TMEM209: variants seen among roughly 807,000 people sequenced by gnomAD.
The protein encoded by TMEM209 is transmembrane protein 209.
TMEM209 carries 65 observed loss-of-function variants against 76.2 expected under a neutral mutation model. That is an observed-to-expected ratio of 0.85 (90% CI 0.70 to 1.05). TMEM209 has a LOEUF of 1.05. TMEM209 is among the 50% of genes least tolerant of loss of function. The pLI, the probability that TMEM209 is intolerant of heterozygous loss-of-function variation, is 0.00. For missense variants in TMEM209, 623 were observed against 685.5 expected (o/e 0.91, Z 1.02); for synonymous variants, 239 against 237.6 (o/e 1.01, Z -0.06).
intron 11 of TMEM209, 101 bp from the exon 12 acceptor site, chr7:130,174,040 AAAT>A: frequency 1.3e-6 from 1 of 781,800 alleles, no homozygotes; most frequent in Middle Eastern, 2.5e-4. Flanking sequence ...TCCAATTAAA[AAAT>A]TTTTTCTCTG....
At chr7:130,174,865 G>C (rs1797183821) in intron 11 of TMEM209, among the ~76,000 whole-genome samples, 1 of 151,906 alleles carries the variant, frequency 6.6e-6, no homozygotes, top group Admixed American at 6.6e-5. Flanking sequence ...ATGACAGTGT[G>C]TAATAATGAA....
intron 5 of TMEM209, among the ~76,000 whole-genome samples, chr7:130,194,335 C>G (rs1244589296): frequency 1.4e-5 from 2 of 147,438 alleles, no homozygotes; most frequent in African/African-American, 5.1e-5. Context: ...AAATAAAGTC[C>G]ATCAAAAAAA....
intron 14 of TMEM209, among the ~76,000 whole-genome samples, chr7:130,169,228 A>G (rs950746433): frequency 6.6e-6 from 1 of 151,200 alleles, no homozygotes; most frequent in African/African-American, 2.4e-5. Flanking sequence ...ATAAATGTTC[A>G]TATTTGTTTA....
At chr7:130,195,144 T>C (rs1334083926) in intron 5 of TMEM209, among the ~76,000 whole-genome samples, 2 of 152,152 alleles carry the variant, frequency 1.3e-5, no homozygotes, top group South Asian at 2.1e-4. Flanking sequence ...TTAAAATCAA[T>C]GAGTAACTTG....
chr7:130,187,965 C>T (rs1460492886), intron 6 of TMEM209, among the ~76,000 whole-genome samples: 1 of 152,032 alleles, frequency 6.6e-6, no homozygotes, highest in African/African-American at 2.4e-5. Context: ...AGTATTTAAC[C>T]TCCAAGAACT....
In TMEM209 at chr7:130,203,956, T is replaced by C; in HGVS notation, c.140+18A>G. On this transcript the variant is annotated intron_variant, in intron 2 of 14. Coordinates refer to ENST00000397622, the MANE Select transcript of TMEM209 (RefSeq NM_032842.4). Reference sequence around the variant, plus strand: ...CTGGCTTCTTAAAGTTTCACTTTTTTTGGACTGATTCACTTACATTTCAGT... The same window carrying C: ...CTGGCTTCTTAAAGTTTCACTTTTTCTGGACTGATTCACTTACATTTCAGT... 1 of 1,609,162 alleles carries C rather than the reference T, an allele frequency of 6.2e-7. No individual in the cohort carries two copies. The highest frequency in any genetic ancestry group is 8.5e-7 in the Non-Finnish European group (1 of 1,178,536).
intron 9 of TMEM209, 142 bp from the exon 10 acceptor site, chr7:130,178,669 C>T (rs547183497): frequency 2.4e-5 from 21 of 866,608 alleles, no homozygotes; most frequent in Middle Eastern, 3.7e-4. Flanking sequence ...TCTCCCCTGA[C>T]GACCCTACCT....
At chr7:130,201,600 T>A (rs1307541601) in intron 5 of TMEM209, among the ~76,000 whole-genome samples, 1 of 152,224 alleles carries the variant, frequency 6.6e-6, no homozygotes. Context: ...TTGTTTCAAC[T>A]TGTTTTAAAG....
intron 9 of TMEM209, among the ~76,000 whole-genome samples, chr7:130,179,019 T>C (rs1202466517): frequency 6.6e-6 from 1 of 151,922 alleles, no homozygotes; most frequent in African/African-American, 2.4e-5. Flanking sequence ...AACTCCTGGG[T>C]TCAAGCAATC....
chr7:130,196,492 AGG>A (rs1178275427), intron 5 of TMEM209, among the ~76,000 whole-genome samples: 1 of 152,222 alleles, frequency 6.6e-6, no homozygotes, highest in Non-Finnish European at 1.5e-5. Context: ...TACAGTCTAG[AGG>A]GAAAAAAGTG....
At chr7:130,167,932 C>T (rs898289620) in intron 14 of TMEM209, among the ~76,000 whole-genome samples, 3 of 152,012 alleles carry the variant, frequency 2.0e-5, no homozygotes, top group African/African-American at 4.8e-5. Context: ...AGCTTTTCCC[C>T]GAGTTTAAAA....
At chr7:130,171,328 A>G (rs1468235709) in intron 13 of TMEM209, among the ~76,000 whole-genome samples, 2 of 152,232 alleles carry the variant, frequency 1.3e-5, no homozygotes, top group Admixed American at 1.3e-4. Context: ...CTCTAAAATC[A>G]AACTATTATA....
intron 9 of TMEM209, among the ~76,000 whole-genome samples, chr7:130,179,874 G>A (rs1283266333): frequency 1.3e-5 from 2 of 152,194 alleles, no homozygotes; most frequent in African/African-American, 4.8e-5. Flanking sequence ...GCTGAGGTGA[G>A]AGGATCTCTT....
At chr7:130,190,143 C>T (rs887899214) in intron 6 of TMEM209, among the ~76,000 whole-genome samples, 3 of 152,140 alleles carry the variant, frequency 2.0e-5, no homozygotes, top group Admixed American at 6.5e-5. Flanking sequence ...CTTTATCTTA[C>T]AGAATACCAA....
At chr7:130,184,499 T>C (rs1214064165) in intron 7 of TMEM209, among the ~76,000 whole-genome samples, 1 of 151,106 alleles carries the variant, frequency 6.6e-6, no homozygotes, top group East Asian at 1.9e-4. Flanking sequence ...TCTTGCTTTT[T>C]TTTTTTTTTT....
intron 5 of TMEM209, among the ~76,000 whole-genome samples, chr7:130,200,725 A>G (rs930543551): frequency 3.3e-5 from 5 of 152,180 alleles, no homozygotes; most frequent in Admixed American, 2.6e-4. Context: ...CACTACATAT[A>G]TACTTTCTCA....
intron 9 of TMEM209, 43 bp from the exon 10 acceptor site, chr7:130,178,570 G>T: frequency 6.2e-7 from 1 of 1,605,982 alleles, no homozygotes; most frequent in Admixed American, 1.7e-5. Context: ...TTCTAAAAGT[G>T]AGTTTCCAAA....
At chr7:130,190,228 T>C (rs1797746249) in intron 6 of TMEM209, among the ~76,000 whole-genome samples, 1 of 152,080 alleles carries the variant, frequency 6.6e-6, no homozygotes, top group African/African-American at 2.4e-5. Flanking sequence ...TTCAAATGGC[T>C]AATATTGGGC....
chr7:130,205,271 C>T (rs1798408368), intron 1 of TMEM209, 102 bp downstream of exon 1: 2 of 1,611,594 alleles, frequency 1.2e-6, no homozygotes, highest in Admixed American at 3.3e-5. Flanking sequence ...CGCCTAGCCA[C>T]ATCCCCCTTG....
Sources: allele counts gnomAD v4.1 joint callset (sites outside exome capture counted in the v4.1 genomes callset), GRCh38; gene constraint gnomAD v4.1.1; transcripts MANE v1.5; gene names NCBI Gene and HGNC (gene_info 2026-07-23, HGNC 2026-07-21).